DPP10: variants seen among roughly 807,000 people sequenced by gnomAD.
DPP10 encodes inactive dipeptidyl peptidase 10.
Under a neutral mutation model 120.9 loss-of-function variants are expected in DPP10, and 33 were observed. That is an observed-to-expected ratio of 0.27 (90% confidence interval 0.21 to 0.37). The LOEUF (loss-of-function observed/expected upper bound fraction) is 0.37, where lower values mean the gene tolerates loss of function less well. DPP10 is among the 10% of genes least tolerant of loss of function. The pLI is 1.00. For synonymous variants in DPP10, 337 were observed against 326.1 expected (o/e 1.03, Z -0.36); for missense variants, 816 against 942.8 (o/e 0.87, Z 1.76).
intron 1 of DPP10, among the ~76,000 whole-genome samples, chr2:114,688,534 G>A (rs867659347): frequency 6.6e-6 from 1 of 151,904 alleles, no homozygotes; most frequent in East Asian, 1.9e-4. Context: ...CTGATGCTTG[G>A]TCCTAGGAGA....
At chr2:115,350,184 A>G (rs992218) in intron 3 of DPP10, among the ~76,000 whole-genome samples, 101,185 of 151,924 alleles carry the variant, frequency 0.67, 33,992 homozygotes, top group Admixed American at 0.74. Flanking sequence ...AATATTTAAA[A>G]TATTAGTGAC....
intron 1 of DPP10, among the ~76,000 whole-genome samples, chr2:114,710,376 T>C (rs1050047304): frequency 1.3e-5 from 2 of 152,256 alleles, no homozygotes; most frequent in African/African-American, 4.8e-5. Flanking sequence ...AGGATTACTA[T>C]GATCTTTTTG....
intron 1 of DPP10, among the ~76,000 whole-genome samples, chr2:114,896,369 T>C (rs1325488674): frequency 6.6e-6 from 1 of 152,220 alleles, no homozygotes; most frequent in Non-Finnish European, 1.5e-5. Context: ...CCCACGAGCA[T>C]GGAATGTTCT....
chr2:115,010,139 A>G (rs569749453), intron 1 of DPP10, among the ~76,000 whole-genome samples: 1 of 152,344 alleles, frequency 6.6e-6, no homozygotes, highest in Non-Finnish European at 1.5e-5. Flanking sequence ...AAGCTAATCC[A>G]GACATCTATG....
At chr2:115,351,432 A>G (rs1042218631) in intron 3 of DPP10, among the ~76,000 whole-genome samples, 1 of 152,048 alleles carries the variant, frequency 6.6e-6, no homozygotes, top group African/African-American at 2.4e-5. Context: ...TACGTTCACT[A>G]TCTGGGTAAC....
intron 7 of DPP10, among the ~76,000 whole-genome samples, chr2:115,725,631 A>G (rs1317159464): frequency 1.3e-5 from 2 of 152,072 alleles, no homozygotes; most frequent in African/African-American, 4.8e-5. Flanking sequence ...AATTATTTTG[A>G]CTTAGATTTT....
At chr2:114,916,508 A>T (rs1694813954) in intron 1 of DPP10, among the ~76,000 whole-genome samples, 1 of 152,164 alleles carries the variant, frequency 6.6e-6, no homozygotes, top group Non-Finnish European at 1.5e-5. Context: ...AACCTGACAC[A>T]GACACAAGAA....
intron 1 of DPP10, among the ~76,000 whole-genome samples, chr2:114,781,744 G>C (rs1015932764): frequency 6.6e-6 from 1 of 152,026 alleles, no homozygotes; most frequent in Non-Finnish European, 1.5e-5. Context: ...AAAGGGCCAA[G>C]CCTCGTGATC....
At chr2:114,602,185 AAAAGAAAAAAATG>A (rs1692427646) in intron 1 of DPP10, among the ~76,000 whole-genome samples, 1 of 151,914 alleles carries the variant, frequency 6.6e-6, no homozygotes, top group Non-Finnish European at 1.5e-5. Context: ...TGAATTTTCC[AAAAGAAAAAAATG>A]ATGGTACAGG....
At position 115,239,646 on chromosome 2, in the gene DPP10, A is replaced by G. The variant is rs190439565; in HGVS notation, c.61-69593A>G. On this transcript the variant is annotated intron_variant, in intron 1 of 25. Transcript: ENST00000410059. Reference sequence around the variant, plus strand: ...ACTTTAAGTTCTGGGATACATGTGCAGAACGTGCAGGTTTGTTGCATAGGT... The same window carrying G: ...ACTTTAAGTTCTGGGATACATGTGCGGAACGTGCAGGTTTGTTGCATAGGT... 4.8e-3 allele frequency among the ~76,000 whole-genome samples: 725 copies of G among 152,338 alleles called. 5 individuals are homozygous for G. Among genetic ancestry groups the G allele is most frequent in the African/African-American group, 0.016 (661 of 41,570 alleles).
At chr2:115,327,476 G>T (rs1226135160) in intron 2 of DPP10, among the ~76,000 whole-genome samples, 2 of 152,030 alleles carry the variant, frequency 1.3e-5, no homozygotes, top group Admixed American at 1.3e-4. Context: ...TTTCTTGCTT[G>T]AAGGGGCTCG....
chr2:115,766,310 G>GTGTGTGTGTGTGTGTGTATA (rs1371625141), intron 12 of DPP10, among the ~76,000 whole-genome samples: 1 of 81,738 alleles, frequency 1.2e-5, no homozygotes, highest in Admixed American at 1.3e-4. Flanking sequence ...GTGTGTGTGT[G>GTGTGTGTGTGTGTGTGTATA]TATATATATA....
rs564890547 is a variant in DPP10 at position 115,478,100 on chromosome 2, C to T, written c.272-21410C>T. Among the ~76,000 whole-genome samples the T allele has an allele frequency of 2.1e-4, 32 of 152,232 alleles. No homozygotes were observed. In the South Asian group the frequency reaches 5.4e-3, roughly 26 times the overall value. ...AAGCCATTCATGAGGGATCCAGCCC[C>T]GCAATCTAGTCAGCTTCCACCAGGC... On this transcript the variant is annotated intron_variant, in intron 3 of 25. Transcript: ENST00000410059.
chr2:115,541,877 T>C (rs561952563), intron 5 of DPP10, among the ~76,000 whole-genome samples: 1 of 152,016 alleles, frequency 6.6e-6, no homozygotes, highest in Non-Finnish European at 1.5e-5. Context: ...TGGTAAGTGC[T>C]AGGGAGACTT....
intron 1 of DPP10, among the ~76,000 whole-genome samples, chr2:114,897,043 G>A (rs1297540202): frequency 1.3e-5 from 2 of 152,134 alleles, no homozygotes; most frequent in African/African-American, 4.8e-5. Flanking sequence ...TACATTTATT[G>A]ATTTGCATAT....
intron 3 of DPP10, among the ~76,000 whole-genome samples, chr2:115,457,832 CATACAGCT>C (rs1469879117): frequency 6.6e-6 from 1 of 152,088 alleles, no homozygotes; most frequent in Non-Finnish European, 1.5e-5. Flanking sequence ...CAAAACGAGA[CATACAGCT>C]ATGCAAAATC....
At chr2:114,499,441 C>T (rs534842523) in intron 1 of DPP10, among the ~76,000 whole-genome samples, 124 of 152,340 alleles carry the variant, frequency 8.1e-4, no homozygotes, top group African/African-American at 2.9e-3. Flanking sequence ...CAAACAGCTT[C>T]GCTAAGCTGG....
chr2:114,671,334 C>G (rs932756400), intron 1 of DPP10, among the ~76,000 whole-genome samples: 1 of 152,062 alleles, frequency 6.6e-6, no homozygotes, highest in Non-Finnish European at 1.5e-5. Flanking sequence ...TCATGTGACT[C>G]TATAATACCT....
intron 3 of DPP10, among the ~76,000 whole-genome samples, chr2:115,420,806 A>G (rs1245640923): frequency 6.6e-6 from 1 of 152,202 alleles, no homozygotes; most frequent in Non-Finnish European, 1.5e-5. Context: ...AGACAACAGT[A>G]GAAGGACCAG....
Sources: gnomAD v4.1 joint callset for allele counts (sites outside exome capture counted in the v4.1 genomes callset) on GRCh38, gnomAD v4.1.1 for gene constraint, MANE v1.5 for transcripts, NCBI Gene and HGNC (gene_info 2026-07-23, HGNC 2026-07-21) for gene names.